WNK2: variants seen among roughly 807,000 people sequenced by gnomAD.
WNK2 encodes the protein WNK lysine deficient protein kinase 2, also known as serine/threonine-protein kinase WNK2.
A neutral mutation model predicts 192.1 loss-of-function variants in WNK2; 67 were observed. The observed-to-expected ratio is 0.35, with a 90% CI of 0.29 to 0.43. The LOEUF is 0.43. Among genes scored for constraint, WNK2 ranks in the 20% least tolerant of loss-of-function variants. WNK2 has a pLI of 1.00. For missense variants in WNK2, 2,698 were observed against 3,089.7 expected (o/e 0.87, Z 3.01); for synonymous variants, 1,439 against 1,393.9 (o/e 1.03, Z -0.72).
rs1841991074 is a variant in WNK2, at chr9:93,247,832, C to T, written c.1832C>T (p.Ala611Val). Residue 611 changes from alanine to valine, a missense_variant and splice_region_variant, in exon 8 of 30, where the codon GCC becomes GTC. Around this residue, in one of 7 missense-constraint regions of WNK2, gnomAD observed 893 missense variants for 909.0 expected, o/e 0.98. Coordinates refer to ENST00000427277, the MANE Select transcript of WNK2 (RefSeq NM_006648.4). The surrounding 1 kb of genome is among the most constrained non-coding windows in gnomAD (Gnocchi z 5.2). The stretch of plus-strand genomic sequence containing the variant: ...TTGCCGACCAGCGCCACCTCCCTGG[C>T]CTGTGAGTGCTCAGGGGTGGGATGG... ...PTLPTSATSL[A>V]SDSTFDSGQG... The T allele has an allele frequency of 6.5e-7, 1 of 1,536,916 alleles. No homozygotes were observed. Among genetic ancestry groups the T allele is most frequent in the Non-Finnish European group, 8.7e-7 (1 of 1,147,030 alleles).
chr9:93,201,103 G>C (rs1379813395), intron 2 of WNK2, among the ~76,000 whole-genome samples: 11 of 152,114 alleles, frequency 7.2e-5, no homozygotes, highest in Admixed American at 7.2e-4. Context: ...CCCAGCAGAG[G>C]GTCCTGGTAC....
intron 2 of WNK2, among the ~76,000 whole-genome samples, chr9:93,210,730 G>A (rs1834348390): frequency 6.6e-6 from 1 of 152,178 alleles, no homozygotes; most frequent in Admixed American, 6.5e-5. Flanking sequence ...CTGCCTGAGG[G>A]CTGGTTTCTC....
intron 19 of WNK2, among the ~76,000 whole-genome samples, chr9:93,284,321 A>C (rs1041327607): frequency 6.6e-6 from 1 of 152,240 alleles, no homozygotes; most frequent in South Asian, 2.1e-4. Context: ...AATAGTAGCA[A>C]ATTAAATCTA....
chr9:93,250,468 C>G (rs1239340648), intron 8 of WNK2, among the ~76,000 whole-genome samples: 1 of 152,194 alleles, frequency 6.6e-6, no homozygotes, highest in Non-Finnish European at 1.5e-5. Flanking sequence ...TGGATAGCAC[C>G]CCGCATAGCC....
In WNK2 at chr9:93,238,826, G is replaced by A. The variant is rs569489890; in HGVS notation, c.1322+505G>A. ...AGGCCTGGAACCGCTCCACAAAGCC[G>A]GCTCCCCACCTCCAAGCAGGGCCTG... is the stretch of plus-strand genomic sequence containing the variant. On this transcript the variant is annotated intron_variant, in intron 6 of 29. Coordinates refer to ENST00000427277, the MANE Select transcript of WNK2 (RefSeq NM_006648.4). Among the ~76,000 whole-genome samples, 14 of 152,208 alleles carry A rather than the reference G, an allele frequency of 9.2e-5. No homozygotes were observed. In the East Asian group the frequency reaches 9.7e-4, roughly 11 times the overall value.
chr9:93,279,851 C>T (rs1447065241), intron 19 of WNK2, among the ~76,000 whole-genome samples: 1 of 152,062 alleles, frequency 6.6e-6, no homozygotes, highest in Non-Finnish European at 1.5e-5. Context: ...TCCTTATACA[C>T]ACACACAAAA....
intron 2 of WNK2, among the ~76,000 whole-genome samples, chr9:93,210,191 G>A (rs1397486638): frequency 6.6e-6 from 1 of 151,790 alleles, no homozygotes; most frequent in Non-Finnish European, 1.5e-5. Context: ...TGCAGTAAGC[G>A]TTCCCACCCC....
chr9:93,261,097 G>T (rs1402921944), intron 12 of WNK2, among the ~76,000 whole-genome samples: 1 of 152,132 alleles, frequency 6.6e-6, no homozygotes, highest in African/African-American at 2.4e-5. Context: ...GTCCGGGAGG[G>T]AAGTGGTTAC....
chr9:93,219,449 G>A (rs1273397124), intron 2 of WNK2, among the ~76,000 whole-genome samples: 9 of 152,228 alleles, frequency 5.9e-5, no homozygotes, highest in Admixed American at 5.9e-4. Context: ...TGGATCCTAG[G>A]GAGGAAGCCC....
At chr9:93,296,930 C>T (rs1309160642) in intron 23 of WNK2, among the ~76,000 whole-genome samples, 1 of 115,272 alleles carries the variant, frequency 8.7e-6, no homozygotes. Flanking sequence ...CTACCTCCCT[C>T]GACCTTCCTC....
intron 10 of WNK2, chr9:93,256,742 C>A: frequency 1.5e-6 from 1 of 682,836 alleles, no homozygotes; most frequent in Non-Finnish European, 2.4e-6. Context: ...TGTGCCCTGG[C>A]TCCAGGCTGG....
In WNK2 at chr9:93,185,490, C is replaced by G. The variant is rs756881585; in HGVS notation, c.561C>G (p.Ala187=). ...EDDEDDLKAV[A]TSLDGRFLKF... ...ACGAGGACGACCTCAAGGCCGTGGC[C>G]ACCTCTCTGGACGGCCGCTTCCTCA... Residue 187 remains alanine, a synonymous_variant, in exon 2 of 30, where the codon GCC becomes GCG. Transcript: ENST00000427277. 10 of 1,612,858 alleles carry G rather than the reference C, an allele frequency of 6.2e-6. No homozygotes were observed. Among genetic ancestry groups the G allele is most frequent in the African/African-American group, 1.3e-5 (1 of 75,056 alleles).
chr9:93,267,484 G>C (rs552108063), intron 16 of WNK2, among the ~76,000 whole-genome samples: 8 of 152,346 alleles, frequency 5.3e-5, no homozygotes, highest in African/African-American at 1.9e-4. Flanking sequence ...TCTGTAACCA[G>C]CTCCAGCTGG....
At position 93,226,472 on chromosome 9, in the gene WNK2, A is replaced by T. The variant is rs143037579; in HGVS notation, c.682-3224A>T. 5.4e-3 allele frequency among the ~76,000 whole-genome samples: 817 copies of T among 151,268 alleles called. 6 individuals are homozygous for T. The highest frequency in any genetic ancestry group is 0.019 in the African/African-American group (768 of 41,146). On this transcript the variant is annotated intron_variant, in intron 2 of 29. Coordinates refer to ENST00000427277, the MANE Select transcript of WNK2 (RefSeq NM_006648.4). ...TTTTCCTTTTTTTTTGTTTTTACATATGAAAAATTGAAGGGTGATTTACAT... is the reference window on the plus strand; with the variant it reads ...TTTTCCTTTTTTTTTGTTTTTACATTTGAAAAATTGAAGGGTGATTTACAT...
chr9:93,186,723 G>A (rs1829409548), intron 2 of WNK2, among the ~76,000 whole-genome samples: 2 of 152,228 alleles, frequency 1.3e-5, no homozygotes, highest in South Asian at 2.1e-4. Flanking sequence ...GCGTGTGTGT[G>A]CAAGCCTGGA....
chr9:93,269,046 A>G, intron 19 of WNK2: 2 of 1,110,110 alleles, frequency 1.8e-6, no homozygotes, highest in Non-Finnish European at 2.6e-6. Flanking sequence ...CACAGTGTTA[A>G]CCTGGCAACT....
intron 29 of WNK2, chr9:93,319,505 C>A: frequency 1.4e-6 from 1 of 690,972 alleles, no homozygotes; most frequent in Non-Finnish European, 1.8e-6. Context: ...CACCACTCTG[C>A]ACCTGATTAC....
chr9:93,231,475 G>A (rs10992685), intron 4 of WNK2, among the ~76,000 whole-genome samples: 24,447 of 152,182 alleles, frequency 0.16, 2,181 homozygotes, highest in East Asian at 0.26. Flanking sequence ...GCTGGGTGCC[G>A]ATGCTCGTGG....
Position 93,246,095 on chromosome 9 carries a change from C to T in WNK2, c.1543-1448C>T, listed in dbSNP as rs181653218. ...AGTGACACTTCACCCCTCCTGCCAC[C>T]CCCATATGCAAAATGCATGTCAGAG... On this transcript the variant is annotated intron_variant, in intron 7 of 29. Coordinates refer to ENST00000427277, the MANE Select transcript of WNK2 (RefSeq NM_006648.4). 1.2e-3 allele frequency among the ~76,000 whole-genome samples: 176 copies of T among 152,338 alleles called. 2 individuals carry two copies. Among genetic ancestry groups the T allele is most frequent in the African/African-American group, 3.4e-3 (143 of 41,580 alleles).
Sources: allele counts gnomAD v4.1 joint callset (sites outside exome capture counted in the v4.1 genomes callset), GRCh38; gene constraint gnomAD v4.1.1; regional missense constraint gnomAD v4.1.1; non-coding constraint Gnocchi (gnomAD v3.1); transcripts MANE v1.5; gene names NCBI Gene and HGNC (gene_info 2026-07-23, HGNC 2026-07-21).